PHKB: variants seen among roughly 807,000 people sequenced by gnomAD.
PHKB encodes phosphorylase b kinase regulatory subunit beta.
Under a neutral mutation model 152.1 loss-of-function variants are expected in PHKB, and 122 were observed. The ratio of observed to expected loss-of-function variants is 0.80; its 90% CI spans 0.69 to 0.93. The LOEUF is 0.93. Among genes scored for constraint, PHKB ranks in the 40% least tolerant of loss-of-function variants. The probability of loss-of-function intolerance (pLI) is 0.00; values close to 1 mark genes in which losing one functional copy is unlikely to be tolerated. For synonymous variants in PHKB, 436 were observed against 464.9 expected, an observed-to-expected ratio of 0.94 and a Z score of 0.80; for missense variants, 1,304 against 1,328.4, an observed-to-expected ratio of 0.98 and a Z score of 0.29.
At chr16:47,531,420 A>G (rs1236008062) in intron 6 of PHKB, among the ~76,000 whole-genome samples, 4 of 152,126 alleles carry the variant, frequency 2.6e-5, no homozygotes, top group African/African-American at 9.7e-5. Context: ...TTGACCTTAT[A>G]TGCTTACATT....
At chr16:47,511,573 A>G (rs1970510162) in intron 4 of PHKB, 92 bp from the exon 5 acceptor site, 2 of 923,468 alleles carry the variant, frequency 2.2e-6, no homozygotes, top group Admixed American at 3.5e-5. Context: ...AGCTTTGTTC[A>G]TTAAAAAGTT....
At chr16:47,624,870 C>T (rs546520793) in intron 14 of PHKB, among the ~76,000 whole-genome samples, 1 of 152,330 alleles carries the variant, frequency 6.6e-6, no homozygotes, top group South Asian at 2.1e-4. Flanking sequence ...CCACATGCAA[C>T]AAGTTATTAA....
chr16:47,525,530 C>G (rs1970751423), intron 6 of PHKB, among the ~76,000 whole-genome samples: 1 of 152,102 alleles, frequency 6.6e-6, no homozygotes, highest in African/African-American at 2.4e-5. Context: ...AAAAATAACT[C>G]TTTTCTCCCC....
At chr16:47,577,985 T>C (rs1971778107) in intron 7 of PHKB, among the ~76,000 whole-genome samples, 4 of 152,102 alleles carry the variant, frequency 2.6e-5, no homozygotes, top group Admixed American at 2.6e-4. Context: ...ATCCCACAAA[T>C]CCCTGAGGCG....
intron 16 of PHKB, among the ~76,000 whole-genome samples, chr16:47,642,567 T>C (rs1295064772): frequency 6.6e-6 from 1 of 152,204 alleles, no homozygotes; most frequent in Non-Finnish European, 1.5e-5. Flanking sequence ...CAAGTGGACA[T>C]GATTAAGTTT....
At chr16:47,463,785 C>T in intron 1 of PHKB, 2 of 687,412 alleles carry the variant, frequency 2.9e-6, no homozygotes, top group Middle Eastern at 2.4e-4. Context: ...TAATGATCCT[C>T]AGTTACTGCC....
chr16:47,596,563 T>A, intron 13 of PHKB, 32 bp downstream of exon 13: 1 of 1,596,576 alleles, frequency 6.3e-7, no homozygotes, highest in Non-Finnish European at 8.6e-7. Context: ...TGGTATTTTT[T>A]TCCTTGTTAT....
At chr16:47,494,924 A>C (rs1440472367) in intron 1 of PHKB, among the ~76,000 whole-genome samples, 1 of 152,144 alleles carries the variant, frequency 6.6e-6, no homozygotes, top group East Asian at 1.9e-4. Context: ...ATCCTTGTTA[A>C]TTGTGTAGAA....
chr16:47,504,521 A>G (rs1201816869), intron 4 of PHKB, among the ~76,000 whole-genome samples: 1 of 152,224 alleles, frequency 6.6e-6, no homozygotes, highest in Admixed American at 6.5e-5. Flanking sequence ...GCCAAGGGGC[A>G]ACCTTACAAA....
chr16:47,523,816 G>T (rs920631967), intron 6 of PHKB, among the ~76,000 whole-genome samples: 2 of 152,176 alleles, frequency 1.3e-5, no homozygotes, highest in African/African-American at 4.8e-5. Flanking sequence ...GAGCTCTGAG[G>T]TCATTTAAAG....
chr16:47,527,922 C>A (rs1226226873), intron 6 of PHKB, among the ~76,000 whole-genome samples: 1 of 152,164 alleles, frequency 6.6e-6, no homozygotes. Context: ...AGAAACCAGA[C>A]CTGCCAACAC....
chr16:47,554,023 C>T (rs1326390300), intron 7 of PHKB, among the ~76,000 whole-genome samples: 2 of 152,184 alleles, frequency 1.3e-5, no homozygotes, highest in African/African-American at 4.8e-5. Flanking sequence ...GTGTCAGGAA[C>T]CCACCTGAGG....
chr16:47,578,133 A>G (rs1971780412), intron 7 of PHKB, among the ~76,000 whole-genome samples: 1 of 151,972 alleles, frequency 6.6e-6, no homozygotes, highest in Admixed American at 6.6e-5. Flanking sequence ...CTTTTTATTT[A>G]CACTATTATA....
intron 1 of PHKB, among the ~76,000 whole-genome samples, chr16:47,466,752 A>G (rs767140606): frequency 2.6e-5 from 4 of 152,022 alleles, no homozygotes; most frequent in Non-Finnish European, 4.4e-5. Context: ...TATATGCCTG[A>G]TATTGTTTTT....
Position 47,576,971 on chromosome 16 carries a change from A to G in PHKB, c.711-3324A>G, listed in dbSNP as rs551655638. 2.6e-5 allele frequency among the ~76,000 whole-genome samples: 4 copies of G among 152,018 alleles called. No individual in the cohort carries two copies. In the South Asian group the frequency reaches 6.2e-4, roughly 24 times the overall value. Reference sequence around the variant, plus strand: ...TTAATTTCTCATATGTTTGGGCTTCAGTCTGCCATTTTCTTTTTTATTTGT... The same window carrying G: ...TTAATTTCTCATATGTTTGGGCTTCGGTCTGCCATTTTCTTTTTTATTTGT... On this transcript the variant is annotated intron_variant, in intron 7 of 30. Transcript: ENST00000323584.
Position 47,665,148 on chromosome 16 carries a change from C to T in PHKB, c.2427+173C>T, listed in dbSNP as rs866588091. On this transcript the variant is annotated intron_variant, in intron 25 of 30. Transcript: ENST00000323584. ...GTTATTGACTTAATTTTCTTTTAGT[C>T]ATCTATGTTGAAATTAAGGAATATA... The T allele has an allele frequency of 2.3e-5, 14 of 616,094 alleles. 1 individual carries two copies. The South Asian group carries it at 2.6e-4, about 12-fold the overall frequency. The allele number at this position is 616,094 out of a possible 1,614,324, so 38.2% of individuals were successfully genotyped here.
rs528743812 is a variant in PHKB, at chr16:47,565,521, G to A, written c.711-14774G>A. The A allele has an allele frequency of 6.4e-4, 817 of 1,271,168 alleles. 1 individual carries two copies. Among genetic ancestry groups the A allele is most frequent in the Middle Eastern group, 3.4e-3 (14 of 4,176 alleles). The allele number at this position is 1,271,168 out of a possible 1,614,324, so 78.7% of individuals were successfully genotyped here. A position where few individuals can be genotyped will look rare whatever the true frequency, so the allele number is the denominator to read the frequency against. ...TTACCTTTAGGGGCTGATCAGGTTT[G>A]GGAGTTTTAGAAGTTGGAGAGTGAC... On this transcript the variant is annotated intron_variant, in intron 7 of 30. Transcript: ENST00000323584.
intron 14 of PHKB, among the ~76,000 whole-genome samples, chr16:47,635,912 C>T (rs561987464): frequency 2.0e-4 from 31 of 152,252 alleles, no homozygotes; most frequent in Admixed American, 1.2e-3. Flanking sequence ...ATAAAGTGTT[C>T]GCTGTTGTTG....
chr16:47,482,259 T>C (rs1159613245), intron 1 of PHKB, among the ~76,000 whole-genome samples: 1 of 152,238 alleles, frequency 6.6e-6, no homozygotes, highest in Non-Finnish European at 1.5e-5. Context: ...CTTCCTTGTT[T>C]CACTTAGCCA....
Sources: gnomAD v4.1 joint callset for allele counts (sites outside exome capture counted in the v4.1 genomes callset) on GRCh38, gnomAD v4.1.1 for gene constraint, MANE v1.5 for transcripts, NCBI Gene and HGNC (gene_info 2026-07-23, HGNC 2026-07-21) for gene names.